The following MTERF4 variants were observed in gnomAD, a reference collection of about 807,000 sequenced individuals.
The protein encoded by MTERF4 is transcription termination factor 4, mitochondrial.
Under a neutral mutation model 22.5 loss-of-function variants are expected in MTERF4, and 17 were observed. The ratio of observed to expected loss-of-function variants is 0.75; its 90% CI spans 0.52 to 1.13. MTERF4 has a LOEUF of 1.13. Among genes scored for constraint, MTERF4 ranks in the 50% most tolerant of loss-of-function variants. The pLI is 0.00. For missense variants in MTERF4, 420 were observed against 466.8 expected (o/e 0.90, Z 0.92); for synonymous variants, 165 against 175.3 (o/e 0.94, Z 0.47).
In MTERF4 at chr2:241,073,218, C is replaced by G; in HGVS notation, n.2944G>C. Reference sequence around the variant, plus strand: ...CAAAAGGGTGGCCCCAGGACCATCCCGGGTGCAAAGCAGCTGCGCCGTGTG... The same window carrying G: ...CAAAAGGGTGGCCCCAGGACCATCCGGGGTGCAAAGCAGCTGCGCCGTGTG... On this transcript the variant is annotated non_coding_transcript_exon_variant, in exon 5 of 5. Coordinates refer to the MTERF4 transcript ENST00000464344. The surrounding 1 kb of genome is among the most constrained non-coding windows in gnomAD (Gnocchi z 6.6). 2 of 1,402,314 alleles carry G rather than the reference C, an allele frequency of 1.4e-6. No individual in the cohort carries two copies. Among genetic ancestry groups the G allele is most frequent in the Non-Finnish European group, 2.0e-6 (2 of 1,014,116 alleles). 86.9% of individuals were successfully genotyped at this position (1,402,314 alleles called of 1,614,324 possible). A position where few individuals can be genotyped will look rare whatever the true frequency, so the allele number is the denominator to read the frequency against.
the MTERF4 span, among the ~76,000 whole-genome samples, chr2:241,043,788 C>T: frequency 6.6e-6 from 1 of 152,188 alleles, no homozygotes; most frequent in African/African-American, 2.4e-5. Flanking sequence ...CTCAACTCTA[C>T]CATTGTAATG....
chr2:241,083,220 C>A (rs1386482698), downstream of MTERF4, among the ~76,000 whole-genome samples: 1 of 152,156 alleles, frequency 6.6e-6, no homozygotes, highest in African/African-American at 2.4e-5. Context: ...GCTGAACAGA[C>A]ATGGAGGAGG....
downstream of MTERF4, chr2:241,067,729 G>A (rs1226665020): frequency 1.3e-6 from 2 of 1,562,692 alleles, no homozygotes; most frequent in Non-Finnish European, 1.7e-6. Flanking sequence ...GAGCAAGGAG[G>A]GGCCGGCACC....
chr2:241,097,666 T>A (rs1268910819), intron 2 of MTERF4, among the ~76,000 whole-genome samples: 1 of 152,218 alleles, frequency 6.6e-6, no homozygotes, highest in Non-Finnish European at 1.5e-5. Flanking sequence ...TCCTGCTTTA[T>A]TCTGGCCTCC....
At chr2:241,050,028 G>A in the MTERF4 span, 5 of 917,212 alleles carry the variant, frequency 5.5e-6, no homozygotes, top group Non-Finnish European at 8.9e-6. Flanking sequence ...TCCTTGTTTC[G>A]CGAATTGCTG....
At chr2:241,068,239 A>C (rs370530450), downstream of MTERF4, among the ~76,000 whole-genome samples, 140 of 149,436 alleles carry the variant, frequency 9.4e-4, 2 homozygotes, top group African/African-American at 3.3e-3. The surrounding 1 kb of genome is among the most constrained non-coding windows in gnomAD (Gnocchi z 5.3). Context: ...CACACAGATC[A>C]TGAGAGTGAC....
chr2:241,102,255 G>T lies in MTERF4; in HGVS notation c.19C>A (p.Gln7Lys). Residue 7 changes from glutamine (Q) to lysine (K), a missense_variant and splice_region_variant, in exon 1 of 4, where the codon CAG (glutamine) becomes AAG (lysine). Physicochemically the swap from Gln to Lys is moderately conservative, Grantham distance 53. Transcript: ENST00000391980. MAAFGRQVLDWHRLIPL... is the reference protein window; with the variant it reads MAAFGRKVLDWHRLIPL... ...CCGCGCGCCCAGCTCGAGCTTACCT[G>T]ACGGCCGAACGCAGCCATAGCGCGG... 6 of 1,549,468 alleles carry T rather than the reference G, an allele frequency of 3.9e-6. No homozygotes were observed. The highest frequency in any genetic ancestry group is 5.2e-6 in the Non-Finnish European group (6 of 1,146,148).
chr2:241,048,072 C>A, the MTERF4 span, among the ~76,000 whole-genome samples: 1 of 152,220 alleles, frequency 6.6e-6, no homozygotes, highest in South Asian at 2.1e-4. Flanking sequence ...GCTTCTTGTT[C>A]TGTCCAATCC....
At chr2:241,051,618 G>T in the MTERF4 span, 2 of 743,680 alleles carry the variant, frequency 2.7e-6, no homozygotes, top group East Asian at 2.9e-5. This position sits in a 1 kb window ranked among gnomAD's most constrained non-coding sequence, Gnocchi z 4.7. Context: ...CTGCAGCCAG[G>T]CCCCAGGGCT....
At chr2:241,101,597 C>G (rs997618822) in intron 1 of MTERF4, among the ~76,000 whole-genome samples, 1 of 152,250 alleles carries the variant, frequency 6.6e-6, no homozygotes, top group African/African-American at 2.4e-5. Flanking sequence ...TCCAGCCTCC[C>G]CTGTCCAGAT....
the MTERF4 span, among the ~76,000 whole-genome samples, chr2:241,057,732 A>C: frequency 1.3e-5 from 2 of 152,172 alleles, no homozygotes; most frequent in African/African-American, 4.8e-5. Context: ...ATCTTTATTC[A>C]GTCAAATTGT....
the MTERF4 span, among the ~76,000 whole-genome samples, chr2:241,047,092 C>T: frequency 3.4e-5 from 5 of 147,776 alleles, no homozygotes; most frequent in Non-Finnish European, 7.4e-5. Context: ...TTGCAGTGAG[C>T]CGAGATCGCG....
the MTERF4 span, chr2:241,063,868 G>C: frequency 1.3e-6 from 1 of 758,650 alleles, no homozygotes; most frequent in Non-Finnish European, 2.2e-6. Flanking sequence ...GTGCTGGGGA[G>C]GGCTGAGGGG....
intron 1 of MTERF4, chr2:241,101,190 G>C (rs993757905): frequency 2.1e-6 from 1 of 466,986 alleles, no homozygotes; most frequent in African/African-American, 2.0e-5. Context: ...TGGGAGCCCT[G>C]AGCTTGTTTT....
At chr2:241,063,535 G>A in the MTERF4 span, 1 of 1,211,854 alleles carries the variant, frequency 8.3e-7, no homozygotes, top group Non-Finnish European at 1.2e-6. Context: ...GGGGGCATGT[G>A]GGCGCCTCAG....
the MTERF4 span, chr2:241,064,212 GCTCCCCGCCCT>G: frequency 1.1e-6 from 1 of 920,908 alleles, no homozygotes; most frequent in South Asian, 1.7e-5. This position sits in a 1 kb window ranked among gnomAD's most constrained non-coding sequence, Gnocchi z 7.0. Context: ...CTGCCCGCCT[GCTCCCCGCCCT>G]CTGCCCGCCT....
chr2:241,058,262 C>A, the MTERF4 span, among the ~76,000 whole-genome samples: 1 of 152,052 alleles, frequency 6.6e-6, no homozygotes, highest in Non-Finnish European at 1.5e-5. Flanking sequence ...AATATTCAAG[C>A]ATCTAATACA....
At chr2:241,065,647 C>T in the MTERF4 span, 2 of 1,517,654 alleles carry the variant, frequency 1.3e-6, no homozygotes. Context: ...CCCTCGAGGG[C>T]AGCGCTGGCC....
At chr2:241,101,319 G>C (rs1353416405) in intron 1 of MTERF4, 1 of 344,558 alleles carries the variant, frequency 2.9e-6, no homozygotes, top group Non-Finnish European at 6.2e-6. Context: ...AATAGGGTTC[G>C]CGCTCCAGTG....
Sources: allele counts gnomAD v4.1 joint callset (sites outside exome capture counted in the v4.1 genomes callset), GRCh38; gene constraint gnomAD v4.1.1; non-coding constraint Gnocchi (gnomAD v3.1); transcripts MANE v1.5; gene names NCBI Gene and HGNC (gene_info 2026-07-23, HGNC 2026-07-21).